Variants in NLRP11 observed in about 807,000 individuals in gnomAD.
NLRP11 encodes NLR family pyrin domain containing 11, also known as NACHT, LRR and PYD domains-containing protein 11.
NLRP11 carries 53 observed loss-of-function variants against 79.3 expected under a neutral mutation model. That is an observed-to-expected ratio of 0.67 (90% CI 0.54 to 0.84). The LOEUF is 0.84. NLRP11 is among the 40% of genes least tolerant of loss of function. NLRP11 has a pLI of 0.00. For synonymous variants in NLRP11, 518 were observed against 462.6 expected (o/e 1.12, Z -1.54); for missense variants, 1,264 against 1,255.0 (o/e 1.01, Z -0.11).
intron 1 of NLRP11, among the ~76,000 whole-genome samples, chr19:55,819,118 G>C (rs1981423993): frequency 7.5e-6 from 1 of 133,916 alleles, no homozygotes; most frequent in South Asian, 2.6e-4. Flanking sequence ...GTACTGAGTG[G>C]TATCGCCTAC....
At chr19:55,832,131 G>C (rs750131320), upstream of NLRP11, 7 of 152,248 alleles carry the variant, frequency 4.6e-5, no homozygotes, top group Non-Finnish European at 1.0e-4. Context: ...GCACCTGCGT[G>C]TTTCTGCCCA....
At chr19:55,832,681 A>G (rs1328291601), upstream of NLRP11, 2 of 152,280 alleles carry the variant, frequency 1.3e-5, no homozygotes, top group African/African-American at 4.8e-5. Context: ...AAGGGGAAAT[A>G]TAAAAGAGTC....
intron 7 of NLRP11, 81 bp from the exon 8 acceptor site, chr19:55,789,480 C>T (rs1211168830): frequency 2.3e-6 from 3 of 1,321,844 alleles, no homozygotes; most frequent in Non-Finnish European, 3.2e-6. Context: ...CATTCTTGGA[C>T]CCGTCTTGTG....
intron 1 of NLRP11, among the ~76,000 whole-genome samples, chr19:55,822,483 G>A (rs923929741): frequency 2.0e-4 from 31 of 152,224 alleles, no homozygotes; most frequent in Admixed American, 7.2e-4. Flanking sequence ...GGTGATTTCC[G>A]CATTTCCATC....
At position 55,792,972 on chromosome 19, in the gene NLRP11, G is replaced by A. The variant is rs554627118; in HGVS notation, c.2343-501C>T. ...TTTGTCTGTCCAGGTTTAGCTCGTT[G>A]CCAATATGTGGAAGTTTACTCAATC... On this transcript the variant is annotated intron_variant, in intron 6 of 9. Coordinates refer to ENST00000589093, the Ensembl canonical transcript of NLRP11. Among the ~76,000 whole-genome samples the A allele has an allele frequency of 3.9e-4, 59 of 152,250 alleles. 1 individual carries two copies. Among genetic ancestry groups the A allele is most frequent in the African/African-American group, 1.4e-3 (58 of 41,544 alleles).
chr19:55,812,960 A>G (rs998017515), intron 2 of NLRP11, among the ~76,000 whole-genome samples: 2 of 152,176 alleles, frequency 1.3e-5, no homozygotes, highest in African/African-American at 4.8e-5. Flanking sequence ...CAACCTTGCT[A>G]AACTTTCCAC....
intron 6 of NLRP11, among the ~76,000 whole-genome samples, chr19:55,794,534 G>C (rs1416710135): frequency 2.6e-5 from 4 of 152,192 alleles, no homozygotes; most frequent in Non-Finnish European, 5.9e-5. Flanking sequence ...GCTGAAGTGG[G>C]TGGATCACGA....
intron 4 of NLRP11, 66 bp from the exon 5 acceptor site, chr19:55,801,805 T>G: frequency 2.2e-6 from 3 of 1,338,802 alleles, no homozygotes; most frequent in Non-Finnish European, 3.2e-6. Context: ...CAATTTCTCC[T>G]GCCTGCCTCA....
exon 10 of NLRP11, chr19:55,785,620 C>T: frequency 6.2e-7 from 1 of 1,609,512 alleles, no homozygotes; most frequent in South Asian, 1.1e-5. Context: ...TTACGTACAA[C>T]ATGATCAAAG....
rs541034048 is a variant in NLRP11 at position 55,804,187 on chromosome 19, T to C, written c.2004-2448A>G. The stretch of plus-strand genomic sequence containing the variant: ...GTGGGAGTGTAAATTAATTCGACCA[T>C]TGCGGAAAGCAGTGTAGTGATTCCT... On this transcript the variant is annotated intron_variant, in intron 4 of 9. Coordinates refer to ENST00000589093, the Ensembl canonical transcript of NLRP11. Among the ~76,000 whole-genome samples, 125 of 152,304 alleles carry C rather than the reference T, an allele frequency of 8.2e-4. 2 individuals carry two copies. The highest frequency in any genetic ancestry group is 2.8e-3 in the African/African-American group (118 of 41,560).
At chr19:55,790,892 C>T (rs144407954) in intron 7 of NLRP11, among the ~76,000 whole-genome samples, 14 of 152,208 alleles carry the variant, frequency 9.2e-5, no homozygotes, top group African/African-American at 2.9e-4. Flanking sequence ...TTCCATGTGC[C>T]CTATGGGAGC....
rs547589714 is a variant in NLRP11 at position 55,808,690 on chromosome 19, T to C, written c.1841+79A>G. On this transcript the variant is annotated intron_variant, in intron 3 of 9. Coordinates refer to ENST00000589093, the Ensembl canonical transcript of NLRP11. The stretch of plus-strand genomic sequence containing the variant: ...AGTTCTTCATGGCCCCGAGTTTGTC[T>C]TGTTCTGGTCAACAAGCTCTAGAAT... 6 of 1,363,508 alleles carry C rather than the reference T, an allele frequency of 4.4e-6. No homozygotes were observed. In the South Asian group the frequency reaches 7.1e-5, roughly 16 times the overall value. The allele number at this position is 1,363,508 out of a possible 1,614,324, so 84.5% of individuals were successfully genotyped here. A position where few individuals can be genotyped will look rare whatever the true frequency, so the allele number is the denominator to read the frequency against.
At chr19:55,798,060 T>G (rs910917184) in intron 5 of NLRP11, among the ~76,000 whole-genome samples, 5 of 150,738 alleles carry the variant, frequency 3.3e-5, no homozygotes, top group African/African-American at 9.8e-5. Context: ...AGTGCAATGG[T>G]GTGATCTCGG....
rs546387436 is a variant in NLRP11, at chr19:55,823,639, G to A, written c.-62-5403C>T. The stretch of plus-strand genomic sequence containing the variant: ...ATGCAGAAGCCTCAGGAGCCGATAC[G>A]ATCAACTGGAAGAAAGGGTATCAGC... On this transcript the variant is annotated intron_variant, in intron 1 of 9. Transcript: ENST00000589093. Among the ~76,000 whole-genome samples, 258 of 147,782 alleles carry A rather than the reference G, an allele frequency of 1.7e-3. 22 individuals carry two copies. Among genetic ancestry groups the A allele is most frequent in the African/African-American group, 5.8e-3 (226 of 39,082 alleles).
chr19:55,836,115 C>G (rs1030891687), upstream of NLRP11, among the ~76,000 whole-genome samples: 26 of 152,140 alleles, frequency 1.7e-4, no homozygotes, highest in Admixed American at 1.4e-3. Flanking sequence ...CCGAGTGAGA[C>G]CGTATCTAAT....
In NLRP11 at chr19:55,796,073, A is replaced by T. The variant is rs750311439; in HGVS notation, c.2342+7T>A. 15 of 1,605,586 alleles carry T rather than the reference A, an allele frequency of 9.3e-6. No homozygotes were observed. In the East Asian group the frequency reaches 3.4e-4, roughly 36 times the overall value. ...TCTACGTGGTGAGCTCGTCTAAGCCAACTTACACCAGTGATATAAGAGTGC... is the reference window on the plus strand; with the variant it reads ...TCTACGTGGTGAGCTCGTCTAAGCCTACTTACACCAGTGATATAAGAGTGC... On this transcript the variant is annotated splice_region_variant and intron_variant, in intron 6 of 9. Coordinates refer to ENST00000589093, the Ensembl canonical transcript of NLRP11.
At chr19:55,835,747 C>T (rs968365375), upstream of NLRP11, among the ~76,000 whole-genome samples, 3 of 150,514 alleles carry the variant, frequency 2.0e-5, no homozygotes, top group African/African-American at 7.4e-5. Flanking sequence ...CTTTGGGAGG[C>T]CGAGGCGGTC....
exon 10 of NLRP11, chr19:55,785,736 A>G (rs1450923414): frequency 6.2e-7 from 1 of 1,614,018 alleles, no homozygotes; most frequent in African/African-American, 1.3e-5. Flanking sequence ...AACCTGGCTG[A>G]GAAGCAGGTG....
At chr19:55,805,643 G>C (rs112273340) in intron 4 of NLRP11, among the ~76,000 whole-genome samples, 10 of 152,038 alleles carry the variant, frequency 6.6e-5, no homozygotes, top group African/African-American at 2.4e-4. Flanking sequence ...GGGTTTAAGC[G>C]ATTCTCCTGC....
Sources: allele counts gnomAD v4.1 joint callset (sites outside exome capture counted in the v4.1 genomes callset), GRCh38; gene constraint gnomAD v4.1.1; transcripts MANE v1.5; gene names NCBI Gene and HGNC (gene_info 2026-07-23, HGNC 2026-07-21).